The following KCNH7 variants were observed in gnomAD, a reference collection of about 807,000 sequenced individuals.
KCNH7 encodes voltage-gated inwardly rectifying potassium channel KCNH7.
A neutral mutation model predicts 120.8 loss-of-function variants in KCNH7; 49 were observed. The observed-to-expected ratio is 0.41, with a 90% CI of 0.32 to 0.51. The LOEUF (loss-of-function observed/expected upper bound fraction) is 0.51. Ranked by LOEUF, KCNH7 falls within the 20% of genes least tolerant of loss-of-function variation. The pLI, the probability that KCNH7 is intolerant of heterozygous loss-of-function variation, is 0.38. For missense variants in KCNH7, 1,097 were observed against 1,446.6 expected, an observed-to-expected ratio of 0.76 and a Z score of 3.92; for synonymous variants, 547 against 516.1, an observed-to-expected ratio of 1.06 and a Z score of -0.81.
intron 2 of KCNH7, among the ~76,000 whole-genome samples, chr2:162,739,715 G>A (rs944755652): frequency 1.3e-5 from 2 of 152,118 alleles, no homozygotes; most frequent in South Asian, 2.1e-4. Flanking sequence ...ATGTAGCTTG[G>A]TCTGGCCATA....
intron 2 of KCNH7, among the ~76,000 whole-genome samples, chr2:162,723,399 G>T (rs1687401295): frequency 6.6e-6 from 1 of 152,080 alleles, no homozygotes; most frequent in Admixed American, 6.6e-5. Flanking sequence ...AGTAACAGAT[G>T]AATGAATAAA....
At chr2:162,558,784 A>T (rs1223323549) in intron 2 of KCNH7, among the ~76,000 whole-genome samples, 1 of 151,802 alleles carries the variant, frequency 6.6e-6, no homozygotes, top group African/African-American at 2.4e-5. Flanking sequence ...TTATTACATT[A>T]AAAAGACAAT....
chr2:162,410,815 A>T (rs936827453), intron 9 of KCNH7, among the ~76,000 whole-genome samples: 4 of 152,124 alleles, frequency 2.6e-5, no homozygotes, highest in Admixed American at 2.6e-4. Flanking sequence ...TCTCAAAAAA[A>T]GGCATACCAG....
chr2:162,632,655 T>G (rs2105220213), intron 2 of KCNH7, among the ~76,000 whole-genome samples: 1 of 151,880 alleles, frequency 6.6e-6, no homozygotes. Context: ...AATCGATCAA[T>G]GGAAAAGAAT....
At chr2:162,430,822 C>T (rs1688039502) in intron 8 of KCNH7, among the ~76,000 whole-genome samples, 1 of 151,620 alleles carries the variant, frequency 6.6e-6, no homozygotes, top group Non-Finnish European at 1.5e-5. Flanking sequence ...AAATGGAATA[C>T]ATTTGCCTTT....
chr2:162,756,154 A>T (rs1441448887), intron 2 of KCNH7, among the ~76,000 whole-genome samples: 1 of 152,202 alleles, frequency 6.6e-6, no homozygotes, highest in Non-Finnish European at 1.5e-5. Flanking sequence ...GTAAACATCA[A>T]GAGACTGATA....
chr2:162,516,089 G>A (rs1262984058), intron 4 of KCNH7, among the ~76,000 whole-genome samples: 1 of 151,678 alleles, frequency 6.6e-6, no homozygotes, highest in Non-Finnish European at 1.5e-5. Context: ...TCTTCTCAAT[G>A]TTACACCAAT....
chr2:162,681,899 G>A (rs1685724641), intron 2 of KCNH7, among the ~76,000 whole-genome samples: 1 of 150,780 alleles, frequency 6.6e-6, no homozygotes, highest in Admixed American at 6.6e-5. Context: ...TAAAACAAAA[G>A]TCATGAGAGA....
intron 2 of KCNH7, among the ~76,000 whole-genome samples, chr2:162,595,103 A>G (rs1694335560): frequency 6.6e-6 from 1 of 152,056 alleles, no homozygotes; most frequent in Non-Finnish European, 1.5e-5. Flanking sequence ...TAATTTCTAA[A>G]CGAGAGAGGT....
At chr2:162,551,468 A>G (rs781188646) in intron 2 of KCNH7, among the ~76,000 whole-genome samples, 8 of 152,186 alleles carry the variant, frequency 5.3e-5, no homozygotes, top group Non-Finnish European at 1.2e-4. Context: ...AAGTAAAAAC[A>G]AAGCCAAGAA....
intron 6 of KCNH7, among the ~76,000 whole-genome samples, chr2:162,488,210 G>C (rs1265008089): frequency 1.3e-5 from 2 of 152,152 alleles, no homozygotes; most frequent in African/African-American, 4.8e-5. Context: ...CTATTACCAG[G>C]TACTCAAGCC....
chr2:162,486,690 T>C (rs916337066), intron 6 of KCNH7, among the ~76,000 whole-genome samples: 1 of 152,154 alleles, frequency 6.6e-6, no homozygotes, highest in Non-Finnish European at 1.5e-5. Context: ...CATATTCATG[T>C]TTGAGTTGCA....
At chr2:162,382,922 T>G (rs1038671179) in intron 13 of KCNH7, among the ~76,000 whole-genome samples, 2 of 152,018 alleles carry the variant, frequency 1.3e-5, no homozygotes, top group African/African-American at 4.8e-5. Flanking sequence ...TAGCTGTACA[T>G]TTTCAAGATA....
At chr2:162,549,991 AAATATT>A (rs1405550130) in intron 2 of KCNH7, among the ~76,000 whole-genome samples, 1 of 152,192 alleles carries the variant, frequency 6.6e-6, no homozygotes, top group African/African-American at 2.4e-5. Flanking sequence ...AAGAAACAAC[AAATATT>A]CAGAGTCTCT....
intron 6 of KCNH7, among the ~76,000 whole-genome samples, chr2:162,471,331 T>C (rs1267131774): frequency 6.6e-6 from 1 of 152,004 alleles, no homozygotes; most frequent in African/African-American, 2.4e-5. Flanking sequence ...TTAACAAGCA[T>C]CTAAAATGAA....
chr2:162,725,641 T>C (rs375847834), intron 2 of KCNH7, among the ~76,000 whole-genome samples: 1 of 152,152 alleles, frequency 6.6e-6, no homozygotes, highest in African/African-American at 2.4e-5. Flanking sequence ...CAAGCTTTTG[T>C]TTTATTTTGT....
chr2:162,711,605 C>A (rs914377303), intron 2 of KCNH7, among the ~76,000 whole-genome samples: 1 of 152,136 alleles, frequency 6.6e-6, no homozygotes, highest in Non-Finnish European at 1.5e-5. Context: ...GCCCGTTCAA[C>A]CTTGGAGGAC....
chr2:162,555,930 G>A (rs977418375), intron 2 of KCNH7, among the ~76,000 whole-genome samples: 5 of 151,768 alleles, frequency 3.3e-5, no homozygotes, highest in Non-Finnish European at 7.4e-5. Flanking sequence ...TTTTATACTA[G>A]CTCAAAGTGT....
At chr2:162,437,850 C>T (rs769121399) in intron 7 of KCNH7, among the ~76,000 whole-genome samples, 5 of 152,056 alleles carry the variant, frequency 3.3e-5, no homozygotes, top group Admixed American at 6.6e-5. Context: ...GGGGCCTTTC[C>T]GTACTGGCCT....
Sources: allele counts gnomAD v4.1 joint callset (sites outside exome capture counted in the v4.1 genomes callset), GRCh38; gene constraint gnomAD v4.1.1; transcripts MANE v1.5; gene names NCBI Gene and HGNC (gene_info 2026-07-23, HGNC 2026-07-21).